The following C1QTNF7 variants were observed in gnomAD, a reference collection of about 807,000 sequenced individuals.
C1QTNF7 encodes the protein complement C1q tumor necrosis factor-related protein 7.
In C1QTNF7, 15 loss-of-function variants were observed where a neutral mutation model predicts 19.6. The ratio of observed to expected loss-of-function variants is 0.76; its 90% CI spans 0.51 to 1.18. C1QTNF7 has a LOEUF of 1.18. Among genes scored for constraint, C1QTNF7 ranks in the 50% most tolerant of loss-of-function variants. C1QTNF7 has a pLI of 0.00. For synonymous variants in C1QTNF7, 142 were observed against 137.5 expected (o/e 1.03, Z -0.23); for missense variants, 324 against 359.7 (o/e 0.90, Z 0.80).
upstream of C1QTNF7, among the ~76,000 whole-genome samples, chr4:15,425,765 T>C (rs1229291962): frequency 6.6e-6 from 1 of 152,218 alleles, no homozygotes; most frequent in Non-Finnish European, 1.5e-5. Context: ...TTGTCATGTC[T>C]TAGCACGTTG....
chr4:15,441,189 CAG>C (rs1303856137), intron 2 of C1QTNF7, among the ~76,000 whole-genome samples: 1 of 152,128 alleles, frequency 6.6e-6, no homozygotes, highest in Admixed American at 6.5e-5. Flanking sequence ...GCTCTGGCTC[CAG>C]AGTCAGGCAG....
intron 1 of C1QTNF7, among the ~76,000 whole-genome samples, chr4:15,360,119 C>A (rs1717284346): frequency 6.6e-6 from 1 of 152,106 alleles, no homozygotes; most frequent in Non-Finnish European, 1.5e-5. Context: ...ACAGAAAAGG[C>A]CTTCAAAGGC....
chr4:15,406,408 TAGAG>T (rs1719197902), intron 1 of C1QTNF7, among the ~76,000 whole-genome samples: 1 of 152,210 alleles, frequency 6.6e-6, no homozygotes. Flanking sequence ...TGCTACGTAT[TAGAG>T]AGGAAAAATG....
At chr4:15,376,200 G>T (rs1717932264) in intron 1 of C1QTNF7, among the ~76,000 whole-genome samples, 1 of 152,234 alleles carries the variant, frequency 6.6e-6, no homozygotes, top group Non-Finnish European at 1.5e-5. Context: ...GTGCACTTTT[G>T]TGTTCACGGG....
At chr4:15,440,310 A>C (rs1712698139) in intron 2 of C1QTNF7, among the ~76,000 whole-genome samples, 1 of 138,736 alleles carries the variant, frequency 7.2e-6, no homozygotes, top group Non-Finnish European at 1.7e-5. Flanking sequence ...AAGATTCTTG[A>C]CTCCAACCCC....
chr4:15,420,826 C>CTTTTTTTTTTTTTTTT lies in C1QTNF7; in HGVS notation c.14-14896_14-14881dup, dbSNP rs61609914. 4.5e-5 allele frequency among the ~76,000 whole-genome samples: 3 copies of CTTTTTTTTTTTTTTTT among 66,240 alleles called. 1 individual carries two copies. Among genetic ancestry groups the CTTTTTTTTTTTTTTTT allele is most frequent in the African/African-American group, 1.9e-4 (3 of 16,186 alleles). The allele number at this position is 66,240 out of a possible 152,430, so 43.5% of individuals were successfully genotyped here. ...CTAGGGTAACATTCCACTGCTTTGT[C>CTTTTTTTTTTTTTTTT]TTTTTTTTTTTTTTTTTTTTTTTTT... On this transcript the variant is annotated intron_variant, in intron 1 of 2. Transcript: ENST00000295297.
At chr4:15,386,100 G>C (rs1718325772) in intron 1 of C1QTNF7, among the ~76,000 whole-genome samples, 1 of 152,114 alleles carries the variant, frequency 6.6e-6, no homozygotes, top group Non-Finnish European at 1.5e-5. Flanking sequence ...GCCTCTCCTG[G>C]CAGAGTGCTG....
chr4:15,406,943 T>C (rs1719214153), intron 1 of C1QTNF7, among the ~76,000 whole-genome samples: 1 of 152,158 alleles, frequency 6.6e-6, no homozygotes, highest in Non-Finnish European at 1.5e-5. Flanking sequence ...TGTTTATTCA[T>C]CTACTCTAAT....
chr4:15,388,966 G>A, intron 1 of C1QTNF7, among the ~76,000 whole-genome samples: 1 of 152,226 alleles, frequency 6.6e-6, no homozygotes, highest in East Asian at 1.9e-4. Flanking sequence ...ATCACCTCCA[G>A]GCTCAGTGAA....
Position 15,440,833 on chromosome 4 carries a change from C to G in C1QTNF7, c.239-1335C>G, listed in dbSNP as rs545291970. Among the ~76,000 whole-genome samples the G allele has an allele frequency of 3.9e-4, 60 of 152,220 alleles. 1 individual carries two copies. Among genetic ancestry groups the G allele is most frequent in the Admixed American group, 9.2e-4 (14 of 15,286 alleles). The stretch of plus-strand genomic sequence containing the variant: ...TTGAGCCCTCGCTATGTGCCAGATG[C>G]GCTTTCGAATTTATGCTCCTGCTGG... On this transcript the variant is annotated intron_variant, in intron 2 of 2. Coordinates refer to ENST00000444304, the MANE Select transcript of C1QTNF7 (RefSeq NM_031911.5).
chr4:15,408,457 A>G (rs1307568070), intron 1 of C1QTNF7, among the ~76,000 whole-genome samples: 1 of 152,054 alleles, frequency 6.6e-6, no homozygotes, highest in African/African-American at 2.4e-5. Context: ...CTTAAGAAAA[A>G]GAATGTATGT....
At chr4:15,433,384 T>G (rs1258177692) in intron 1 of C1QTNF7, among the ~76,000 whole-genome samples, 3 of 151,900 alleles carry the variant, frequency 2.0e-5, no homozygotes, top group Admixed American at 6.6e-5. Context: ...AAATGGGCCC[T>G]GCACGCTCCA....
intron 2 of C1QTNF7, among the ~76,000 whole-genome samples, chr4:15,436,323 A>C (rs2108938923): frequency 1.3e-5 from 2 of 152,342 alleles, no homozygotes; most frequent in Admixed American, 1.3e-4. Context: ...TGATGTCCAG[A>C]AGTACTGGGC....
At chr4:15,361,839 G>A (rs999210461) in intron 1 of C1QTNF7, among the ~76,000 whole-genome samples, 1 of 152,128 alleles carries the variant, frequency 6.6e-6, no homozygotes, top group South Asian at 2.1e-4. Flanking sequence ...TCCTTGAAAA[G>A]CCAAAAGGAT....
chr4:15,444,371 G>A lies in C1QTNF7; in HGVS notation c.*1572G>A, dbSNP rs1490520077. 2.0e-5 allele frequency: 3 copies of A among 151,920 alleles called. No homozygotes were observed. The highest frequency in any genetic ancestry group is 7.3e-5 in the African/African-American group (3 of 41,328). 9.4% of individuals were successfully genotyped at this position (151,920 alleles called of 1,614,324 possible). On this transcript the variant is annotated 3_prime_UTR_variant, in exon 3 of 3. Transcript: ENST00000444304. ...ACTGTCGAAAATGCAAACTTGGGGA[G>A]GGCGGAAACATCACACACAAGGTTT...
chr4:15,340,314 G>A (rs1169518697), intron 1 of C1QTNF7: 11 of 1,338,826 alleles, frequency 8.2e-6, no homozygotes, highest in South Asian at 3.9e-5. Context: ...AGAAATGGGG[G>A]AACTTGTAAA....
chr4:15,368,237 A>G (rs543920214), intron 1 of C1QTNF7, among the ~76,000 whole-genome samples: 1 of 152,160 alleles, frequency 6.6e-6, no homozygotes, highest in East Asian at 1.9e-4. Flanking sequence ...TGGATGTATC[A>G]GTTGTCCACA....
At chr4:15,349,278 C>T (rs1000157185) in intron 1 of C1QTNF7, among the ~76,000 whole-genome samples, 2 of 152,160 alleles carry the variant, frequency 1.3e-5, no homozygotes, top group Admixed American at 6.5e-5. Context: ...ATCCACACTC[C>T]TTCCTCTCTC....
chr4:15,371,267 C>T (rs138350389), intron 1 of C1QTNF7, among the ~76,000 whole-genome samples: 57 of 152,340 alleles, frequency 3.7e-4, no homozygotes, highest in African/African-American at 1.3e-3. Context: ...CTAGCAAAAT[C>T]GACAGGGGAA....
Sources: allele counts gnomAD v4.1 joint callset (sites outside exome capture counted in the v4.1 genomes callset), GRCh38; gene constraint gnomAD v4.1.1; transcripts MANE v1.5; gene names NCBI Gene and HGNC (gene_info 2026-07-23, HGNC 2026-07-21).